The following CADPS variants were observed in gnomAD, a reference collection of about 807,000 sequenced individuals.
CADPS encodes the protein calcium dependent secretion activator.
In CADPS, 57 loss-of-function variants were observed where a neutral mutation model predicts 167.3. The ratio of observed to expected loss-of-function variants is 0.34; its 90% confidence interval spans 0.28 to 0.42. The LOEUF (loss-of-function observed/expected upper bound fraction) is 0.42, where lower values mean the gene tolerates loss of function less well. Ranked by LOEUF, CADPS falls within the 20% of genes least tolerant of loss-of-function variation. The pLI is 1.00. For missense variants in CADPS, 1,414 were observed against 1,738.1 expected (o/e 0.81, Z 3.32); for synonymous variants, 676 against 635.3 (o/e 1.06, Z -0.96).
At chr3:62,802,259 TAA>T (rs1387650230) in intron 1 of CADPS, among the ~76,000 whole-genome samples, 2 of 152,160 alleles carry the variant, frequency 1.3e-5, no homozygotes, top group Non-Finnish European at 2.9e-5. Flanking sequence ...TACATACCTG[TAA>T]AACACACTCT....
chr3:62,830,194 C>T (rs778522537), intron 1 of CADPS, among the ~76,000 whole-genome samples: 7 of 152,200 alleles, frequency 4.6e-5, no homozygotes, highest in Non-Finnish European at 1.0e-4. Context: ...CCTAGTGGAT[C>T]TTCACCTTTG....
At chr3:62,550,877 A>G (rs2077212482) in intron 10 of CADPS, 1 of 456,596 alleles carries the variant, frequency 2.2e-6, no homozygotes, top group Non-Finnish European at 4.4e-6. Context: ...CTTCTCTTCA[A>G]GATGCTTTCT....
At chr3:62,406,925 C>G (rs983322944) in intron 28 of CADPS, among the ~76,000 whole-genome samples, 10 of 152,194 alleles carry the variant, frequency 6.6e-5, no homozygotes, top group Non-Finnish European at 1.3e-4. Context: ...AGAGCACAGG[C>G]TCTAACATCC....
intron 3 of CADPS, among the ~76,000 whole-genome samples, chr3:62,676,752 G>T (rs991806894): frequency 6.6e-6 from 1 of 152,066 alleles, no homozygotes; most frequent in Non-Finnish European, 1.5e-5. Flanking sequence ...ATGCCACAAG[G>T]CCCCTGCTGG....
rs1277931570 is a variant in CADPS at position 62,412,930 on chromosome 3, C to G, written c.3778-9745G>C. On this transcript the variant is annotated intron_variant, in intron 28 of 29. Transcript: ENST00000383710. The surrounding 1 kb of genome is among the most constrained non-coding windows in gnomAD (Gnocchi z 4.1). The stretch of plus-strand genomic sequence containing the variant: ...TCTGAATCAATCTGATTGTCTAAAA[C>G]CCAACAAGTCACAAAATCCCCCTTT... 6.6e-6 allele frequency among the ~76,000 whole-genome samples: 1 copy of G among 152,136 alleles called. No individual in the cohort carries two copies. The highest frequency in any genetic ancestry group is 1.9e-4 in the East Asian group (1 of 5,194).
chr3:62,824,305 T>C (rs529569284), intron 1 of CADPS, among the ~76,000 whole-genome samples: 1 of 152,300 alleles, frequency 6.6e-6, no homozygotes, highest in South Asian at 2.1e-4. Flanking sequence ...TCAACAGTTA[T>C]CATCAGCTAA....
chr3:62,584,352 A>G (rs974909952), intron 8 of CADPS, among the ~76,000 whole-genome samples: 1 of 152,170 alleles, frequency 6.6e-6, no homozygotes, highest in Non-Finnish European at 1.5e-5. Flanking sequence ...GAGCTTTATC[A>G]TCAATATACA....
chr3:62,413,790 A>C (rs2049459858), intron 28 of CADPS, among the ~76,000 whole-genome samples: 1 of 152,228 alleles, frequency 6.6e-6, no homozygotes, highest in South Asian at 2.1e-4. Context: ...AAAGATGGGA[A>C]ATAAAAATCA....
intron 3 of CADPS, among the ~76,000 whole-genome samples, chr3:62,716,600 T>C (rs11705978): frequency 0.08 from 12,059 of 151,684 alleles, 629 homozygotes; most frequent in Non-Finnish European, 0.12. Context: ...ACAAGATGAC[T>C]TTACTGTCTA....
At chr3:62,865,690 A>C (rs755842256) in intron 1 of CADPS, among the ~76,000 whole-genome samples, 17 of 152,286 alleles carry the variant, frequency 1.1e-4, no homozygotes, top group Middle Eastern at 3.4e-3. Context: ...AGAAAAGTCC[A>C]TATCTAAGAA....
chr3:62,510,049 T>C (rs1373069648), intron 17 of CADPS, among the ~76,000 whole-genome samples: 1 of 152,168 alleles, frequency 6.6e-6, no homozygotes, highest in African/African-American at 2.4e-5. Context: ...CCAAGGCCCA[T>C]AGGTTCATAG....
chr3:62,766,133 C>T (rs1393804963), intron 1 of CADPS, 149 bp from the exon 2 acceptor site: 5 of 425,374 alleles, frequency 1.2e-5, no homozygotes, highest in African/African-American at 1.0e-4. Context: ...GTGGAAACTT[C>T]TGTGAGCCAG....
chr3:62,483,050 T>C (rs1377727981), intron 21 of CADPS, among the ~76,000 whole-genome samples: 2 of 152,018 alleles, frequency 1.3e-5, no homozygotes, highest in Non-Finnish European at 2.9e-5. Context: ...TGTGTCTCAG[T>C]AGTGGCATTT....
Position 62,874,566 on chromosome 3 carries a change from C to G in CADPS, c.441+23G>C. On this transcript the variant is annotated intron_variant, in intron 1 of 29. Transcript: ENST00000383710. The surrounding 1 kb of genome is among the most constrained non-coding windows in gnomAD (Gnocchi z 7.1). ...CCTGGCGACGTCCGGGTGCTGCTCC[C>G]TGGGCCTCCCAGGCGCACCTACCTT... 1 of 1,534,036 alleles carries G rather than the reference C, an allele frequency of 6.5e-7. No homozygotes were observed. Among genetic ancestry groups the G allele is most frequent in the Non-Finnish European group, 8.8e-7 (1 of 1,136,066 alleles).
intron 26 of CADPS, among the ~76,000 whole-genome samples, chr3:62,464,280 T>G (rs1038990299): frequency 6.6e-6 from 1 of 152,340 alleles, no homozygotes; most frequent in Middle Eastern, 3.4e-3. Flanking sequence ...CTGGATCTGT[T>G]GGATTCCAAG....
chr3:62,680,219 T>C lies in CADPS; in HGVS notation c.889-17825A>G, dbSNP rs905136398. Among the ~76,000 whole-genome samples, 15 of 11,644 alleles carry C rather than the reference T, an allele frequency of 1.3e-3. No individual in the cohort carries two copies. In the South Asian group the frequency reaches 0.028, roughly 22 times the overall value. 7.6% of individuals were successfully genotyped at this position (11,644 alleles called of 152,430 possible). A position where few individuals can be genotyped will look rare whatever the true frequency, so the allele number is the denominator to read the frequency against. ...CTAAGAGCCAAGTTGAGTCAGCCATTTGGAAATTCTGAGATTGAAAGAGTG... is the reference window on the plus strand; with the variant it reads ...CTAAGAGCCAAGTTGAGTCAGCCATCTGGAAATTCTGAGATTGAAAGAGTG... On this transcript the variant is annotated intron_variant, in intron 3 of 29. Transcript: ENST00000383710.
At chr3:62,727,212 TAGCTTCAAACTAGA>T (rs1372894004) in intron 3 of CADPS, among the ~76,000 whole-genome samples, 13 of 151,970 alleles carry the variant, frequency 8.6e-5, no homozygotes, top group Non-Finnish European at 1.5e-4. Flanking sequence ...TTATTCATAG[TAGCTTCAAACTAGA>T]AGCTTCAAAC....
At chr3:62,745,755 G>A (rs2081317050) in intron 3 of CADPS, among the ~76,000 whole-genome samples, 1 of 152,172 alleles carries the variant, frequency 6.6e-6, no homozygotes, top group Non-Finnish European at 1.5e-5. Flanking sequence ...TAAGCTCCTT[G>A]AGGCCATAAC....
chr3:62,718,632 G>C (rs760160893), intron 3 of CADPS, among the ~76,000 whole-genome samples: 1 of 152,210 alleles, frequency 6.6e-6, no homozygotes, highest in Non-Finnish European at 1.5e-5. Context: ...TCAGTAGGTT[G>C]AGTCAGTTTG....
Sources: gnomAD v4.1 joint callset for allele counts (sites outside exome capture counted in the v4.1 genomes callset) on GRCh38, gnomAD v4.1.1 for gene constraint, Gnocchi (gnomAD v3.1) non-coding constraint, MANE v1.5 for transcripts, NCBI Gene and HGNC (gene_info 2026-07-23, HGNC 2026-07-21) for gene names.